The following SPATA31H1 variants were observed in gnomAD, a reference collection of about 807,000 sequenced individuals.
SPATA31H1 encodes spermatogenesis-associated protein 31H1.
the SPATA31H1 span, among the ~76,000 whole-genome samples, chr2:27,553,846 C>T: frequency 7.9e-5 from 12 of 151,904 alleles, no homozygotes; most frequent in African/African-American, 2.4e-4. Flanking sequence ...TGCTTGAACC[C>T]GGGAGGCGGA....
chr2:27,575,473 T>C, the SPATA31H1 span: 132 of 398,570 alleles, frequency 3.3e-4, 1 homozygote, highest in South Asian at 0.016. This position sits in a 1 kb window ranked among gnomAD's most constrained non-coding sequence, Gnocchi z 4.1. Context: ...TCTTCTGAGT[T>C]GTGCCTAGGA....
the SPATA31H1 span, chr2:27,574,305 T>C: frequency 2.5e-6 from 1 of 398,536 alleles, no homozygotes; most frequent in Non-Finnish European, 4.4e-6. Context: ...GACTGTGAAA[T>C]CTTCTGAAGT....
the SPATA31H1 span, among the ~76,000 whole-genome samples, chr2:27,545,652 G>A: frequency 6.8e-6 from 1 of 148,020 alleles, no homozygotes; most frequent in African/African-American, 2.5e-5. Flanking sequence ...CTTGGTTCAC[G>A]CAACCTCTGC....
At chr2:27,570,255 G>A in the SPATA31H1 span, 1 of 398,650 alleles carries the variant, frequency 2.5e-6, no homozygotes, top group African/African-American at 2.1e-5. Flanking sequence ...ACATATTGAA[G>A]ATATGAAATC....
At chr2:27,579,279 A>G in the SPATA31H1 span, 16 of 1,614,066 alleles carry the variant, frequency 9.9e-6, no homozygotes, top group Admixed American at 1.7e-5. Context: ...AGGGACCACT[A>G]TGGAAAGGAA....
the SPATA31H1 span, chr2:27,571,143 A>G: frequency 2.5e-6 from 1 of 398,504 alleles, no homozygotes; most frequent in Non-Finnish European, 4.4e-6. Context: ...TGTGAAAACT[A>G]TGCAGTTAAC....
chr2:27,566,989 C>A, the SPATA31H1 span: 2 of 717,532 alleles, frequency 2.8e-6, no homozygotes, highest in African/African-American at 3.5e-5. Flanking sequence ...AAGCAATCCT[C>A]TGTGTTCAGG....
At chr2:27,539,644 A>G in the SPATA31H1 span, among the ~76,000 whole-genome samples, 1 of 108,162 alleles carries the variant, frequency 9.2e-6, no homozygotes, top group African/African-American at 3.6e-5. Flanking sequence ...CACCTCCCAG[A>G]CGGGGCCGTG....
At chr2:27,579,243 A>G in the SPATA31H1 span, 1 of 1,614,106 alleles carries the variant, frequency 6.2e-7, no homozygotes, top group Non-Finnish European at 8.5e-7. Flanking sequence ...ATATCTCTCC[A>G]CTATGCTAAT....
chr2:27,578,563 C>T, the SPATA31H1 span: 1 of 1,613,856 alleles, frequency 6.2e-7, no homozygotes, highest in Non-Finnish European at 8.5e-7. Flanking sequence ...GAATTAACCT[C>T]ACCGCAAACA....
chr2:27,539,116 TTTTTTTTTTTA>T, the SPATA31H1 span, among the ~76,000 whole-genome samples: 3,528 of 143,804 alleles, frequency 0.025, 136 homozygotes, highest in African/African-American at 0.091. Context: ...TTTTTTTTTT[TTTTTTTTTTTA>T]ATTGATCATT....
chr2:27,562,647 G>C, the SPATA31H1 span, among the ~76,000 whole-genome samples: 1 of 151,274 alleles, frequency 6.6e-6, no homozygotes, highest in African/African-American at 2.4e-5. Context: ...AGCACTTTGG[G>C]AGGCCGAGGC....
chr2:27,554,586 G>A, the SPATA31H1 span, among the ~76,000 whole-genome samples: 1 of 151,778 alleles, frequency 6.6e-6, no homozygotes. Context: ...GTTTTGTTTT[G>A]TTTTTGAGAC....
At chr2:27,572,493 G>T in the SPATA31H1 span, 1 of 398,318 alleles carries the variant, frequency 2.5e-6, no homozygotes, top group Admixed American at 4.4e-5. Flanking sequence ...AAAACTTCAA[G>T]GTGCAAAACC....
chr2:27,577,669 C>G, the SPATA31H1 span: 133 of 1,613,934 alleles, frequency 8.2e-5, no homozygotes, highest in Admixed American at 1.8e-4. The surrounding 1 kb of genome is among the most constrained non-coding windows in gnomAD (Gnocchi z 4.5). Flanking sequence ...GAGTTGACTT[C>G]TAAGTCAGGA....
chr2:27,553,739 T>C, the SPATA31H1 span, among the ~76,000 whole-genome samples: 1 of 150,042 alleles, frequency 6.7e-6, no homozygotes, highest in Admixed American at 6.8e-5. Context: ...CTGGCCAACA[T>C]GGTGAAACCC....
the SPATA31H1 span, among the ~76,000 whole-genome samples, chr2:27,558,902 A>AGACCGTG: frequency 1.9e-5 from 1 of 51,838 alleles, no homozygotes; most frequent in Non-Finnish European, 3.4e-5. Context: ...AGGGAGAGGG[A>AGACCGTG]GAGGGAGAGG....
At chr2:27,573,206 A>C in the SPATA31H1 span, 2 of 398,228 alleles carry the variant, frequency 5.0e-6, no homozygotes, top group African/African-American at 4.1e-5. Flanking sequence ...CACAGTTGCA[A>C]TGTGTGAAAA....
the SPATA31H1 span, among the ~76,000 whole-genome samples, chr2:27,555,514 C>A: frequency 2.6e-5 from 4 of 151,332 alleles, no homozygotes; most frequent in African/African-American, 9.8e-5. Flanking sequence ...TCTCCAAAAA[C>A]CAAAAAAAAA....
Sources: gnomAD v4.1 joint callset for allele counts (sites outside exome capture counted in the v4.1 genomes callset) on GRCh38, gnomAD v4.1.1 for gene constraint, Gnocchi (gnomAD v3.1) non-coding constraint, MANE v1.5 for transcripts, NCBI Gene and HGNC (gene_info 2026-07-23, HGNC 2026-07-21) for gene names.